Variants in ALDH8A1 observed in about 807,000 individuals in gnomAD.
The protein encoded by ALDH8A1 is 2-aminomuconic semialdehyde dehydrogenase.
In ALDH8A1, 39 loss-of-function variants were observed where a neutral mutation model predicts 43.3. That is an observed-to-expected ratio of 0.90 (90% CI 0.70 to 1.18). ALDH8A1 has a LOEUF of 1.18. Among genes scored for constraint, ALDH8A1 ranks in the 50% most tolerant of loss-of-function variants. The pLI is 0.00. For missense variants in ALDH8A1, 605 were observed against 622.6 expected (o/e 0.97, Z 0.30); for synonymous variants, 233 against 243.5 (o/e 0.96, Z 0.40).
intron 1 of ALDH8A1, among the ~76,000 whole-genome samples, chr6:134,948,460 T>C (rs561808668): frequency 7.2e-5 from 11 of 152,324 alleles, no homozygotes; most frequent in African/African-American, 2.4e-4. Flanking sequence ...TGACACATTG[T>C]ATGCATGTAT....
intron 1 of ALDH8A1, 162 bp from the exon 2 acceptor site, chr6:134,944,128 C>T (rs537520636): frequency 1.9e-5 from 19 of 1,005,462 alleles, no homozygotes; most frequent in African/African-American, 1.5e-4. Context: ...AGGGCAGTGG[C>T]GCAATTTTGG....
At chr6:134,942,205 G>A (rs1773868089) in intron 3 of ALDH8A1, 2 of 582,948 alleles carry the variant, frequency 3.4e-6, no homozygotes, top group South Asian at 6.4e-5. Flanking sequence ...GGGCGACAGA[G>A]CAAGACGCTG....
intron 4 of ALDH8A1, among the ~76,000 whole-genome samples, chr6:134,934,484 G>A (rs946251302): frequency 4.6e-5 from 7 of 152,080 alleles, no homozygotes; most frequent in African/African-American, 7.2e-5. Flanking sequence ...TCACCATCTC[G>A]ACTGGTTTTG....
chr6:134,931,140 C>T (rs1221052258), intron 5 of ALDH8A1, among the ~76,000 whole-genome samples: 2 of 152,172 alleles, frequency 1.3e-5, no homozygotes, highest in African/African-American at 4.8e-5. Flanking sequence ...ATGTCTCTTT[C>T]CCTATTTCCT....
At chr6:134,935,087 GGGCAGA>G in intron 4 of ALDH8A1, among the ~76,000 whole-genome samples, 1 of 152,262 alleles carries the variant, frequency 6.6e-6, no homozygotes, top group Non-Finnish European at 1.5e-5. Context: ...TCTCCGCTTT[GGGCAGA>G]GGCTACGCTT....
At chr6:134,920,865 A>G (rs950702996) in intron 6 of ALDH8A1, among the ~76,000 whole-genome samples, 34 of 152,228 alleles carry the variant, frequency 2.2e-4, no homozygotes, top group African/African-American at 8.0e-4. Flanking sequence ...GTCAGAGTAC[A>G]GGGGTTAGAA....
At chr6:134,949,093 A>G (rs575815766) in intron 1 of ALDH8A1, among the ~76,000 whole-genome samples, 93 of 152,324 alleles carry the variant, frequency 6.1e-4, no homozygotes, top group Non-Finnish European at 1.2e-3. Context: ...CATGGAATAT[A>G]TATTTTTATA....
At position 134,918,120 on chromosome 6, in the gene ALDH8A1, G is replaced by A. The variant is rs754107547; in HGVS notation, c.*295C>T. 2.6e-6 allele frequency: 1 copy of A among 388,014 alleles called. No individual in the cohort carries two copies. Among genetic ancestry groups the A allele is most frequent in the East Asian group, 4.6e-5 (1 of 21,600 alleles). 24.0% of individuals were successfully genotyped at this position (388,014 alleles called of 1,614,324 possible). ...TCTGATTATCTGGAGATTCCCAAGA[G>A]TTCAATGAAGATGATGAAAGAAACA... On this transcript the variant is annotated 3_prime_UTR_variant, in exon 7 of 7. Coordinates refer to ENST00000265605, the MANE Select transcript of ALDH8A1 (RefSeq NM_022568.4).
Position 134,939,396 on chromosome 6 carries a change from C to T in ALDH8A1, c.462G>A (p.Trp154Ter), listed in dbSNP as rs1198931480. The T allele has an allele frequency of 6.2e-7, 1 of 1,614,082 alleles. No homozygotes were observed. Among genetic ancestry groups the T allele is most frequent in the East Asian group, 2.2e-5 (1 of 44,876 alleles). The change falls in exon 4 of 7, where the codon TGG becomes TGA. Residue 154 changes from tryptophan to a stop codon, truncating the protein, a stop_gained. Coordinates refer to ENST00000265605, the MANE Select transcript of ALDH8A1 (RefSeq NM_022568.4). LOFTEE classifies it high-confidence loss of function. The part of the protein sequence containing the change: ...PVGVAGLISP[W>*]NLPLYLLTWK... ...AGGTCAGCAAGTAGAGTGGCAAATTCCAGGGGCTGATCAGACCAGCTAAGG... is the reference window on the plus strand; with the variant it reads ...AGGTCAGCAAGTAGAGTGGCAAATTTCAGGGGCTGATCAGACCAGCTAAGG...
intron 6 of ALDH8A1, among the ~76,000 whole-genome samples, chr6:134,922,214 C>G (rs1323274315): frequency 1.3e-5 from 2 of 152,102 alleles, no homozygotes; most frequent in East Asian, 1.9e-4. Flanking sequence ...GAGTTCTACT[C>G]TATGTGGGAG....
intron 4 of ALDH8A1, among the ~76,000 whole-genome samples, chr6:134,937,508 T>C (rs1466532522): frequency 6.6e-6 from 1 of 152,068 alleles, no homozygotes; most frequent in African/African-American, 2.4e-5. Flanking sequence ...TCCCAAGAAA[T>C]AAAATCAATG....
chr6:134,945,421 T>C (rs1229304388), intron 1 of ALDH8A1, among the ~76,000 whole-genome samples: 1 of 152,118 alleles, frequency 6.6e-6, no homozygotes, highest in East Asian at 1.9e-4. Flanking sequence ...TACCTCCTTT[T>C]AGAGTTACAT....
At chr6:134,936,543 A>T (rs1228447383) in intron 4 of ALDH8A1, among the ~76,000 whole-genome samples, 1 of 152,158 alleles carries the variant, frequency 6.6e-6, no homozygotes, top group Non-Finnish European at 1.5e-5. Flanking sequence ...GAGGGGGTGG[A>T]CTGTTAGGCT....
chr6:134,941,116 T>C (rs1583034306), intron 3 of ALDH8A1, among the ~76,000 whole-genome samples: 1 of 152,246 alleles, frequency 6.6e-6, no homozygotes, highest in Non-Finnish European at 1.5e-5. Flanking sequence ...TGAAGTAAGA[T>C]AATTCTCAGT....
At chr6:134,936,093 C>T (rs1049615159) in intron 4 of ALDH8A1, among the ~76,000 whole-genome samples, 2 of 152,140 alleles carry the variant, frequency 1.3e-5, no homozygotes, top group Non-Finnish European at 2.9e-5. Context: ...CTGGGATTAC[C>T]GGCACTTGCC....
intron 1 of ALDH8A1, among the ~76,000 whole-genome samples, chr6:134,946,584 C>A (rs1427101544): frequency 3.9e-5 from 6 of 152,170 alleles, no homozygotes; most frequent in Non-Finnish European, 8.8e-5. Context: ...CTCAGAATAA[C>A]ACTATAAAGT....
chr6:134,933,378 C>A (rs766878783), intron 4 of ALDH8A1, among the ~76,000 whole-genome samples: 1 of 152,154 alleles, frequency 6.6e-6, no homozygotes, highest in African/African-American at 2.4e-5. Flanking sequence ...GTCAAGCCCA[C>A]TAGGGGAGCA....
At chr6:134,934,253 G>A (rs899948116) in intron 4 of ALDH8A1, among the ~76,000 whole-genome samples, 2 of 152,186 alleles carry the variant, frequency 1.3e-5, no homozygotes, top group Non-Finnish European at 2.9e-5. Context: ...TATGGGATGA[G>A]AGGTCAAACA....
intron 1 of ALDH8A1, among the ~76,000 whole-genome samples, chr6:134,945,335 C>T (rs1392779335): frequency 6.6e-6 from 1 of 152,128 alleles, no homozygotes; most frequent in African/African-American, 2.4e-5. Flanking sequence ...GGTTGCTCTG[C>T]CTGCTGCCTG....
Sources: allele counts gnomAD v4.1 joint callset (sites outside exome capture counted in the v4.1 genomes callset), GRCh38; gene constraint gnomAD v4.1.1; transcripts MANE v1.5; gene names NCBI Gene and HGNC (gene_info 2026-07-23, HGNC 2026-07-21).